Variants in COL4A4 observed in about 807,000 individuals in gnomAD.
COL4A4 encodes the protein collagen type IV alpha 4 chain, also known as collagen alpha-4(IV) chain.
A neutral mutation model predicts 192.9 loss-of-function variants in COL4A4; 105 were observed. That is an observed-to-expected ratio of 0.54 (90% CI 0.46 to 0.64). The LOEUF (loss-of-function observed/expected upper bound fraction) is 0.64, where lower values mean the gene tolerates loss of function less well. COL4A4 is among the 30% of genes least tolerant of loss of function. The pLI is 0.00. For missense variants in COL4A4, 1,967 were observed against 2,169.3 expected (o/e 0.91, Z 1.85); for synonymous variants, 762 against 769.9 (o/e 0.99, Z 0.17).
the COL4A4 span, among the ~76,000 whole-genome samples, chr2:226,988,154 T>A: frequency 6.6e-6 from 1 of 152,212 alleles, no homozygotes; most frequent in Non-Finnish European, 1.5e-5. Flanking sequence ...ATTTAAACAC[T>A]CTTGCCCTCA....
intron 17 of COL4A4, 143 bp from the exon 18 acceptor site, chr2:227,099,832 TG>T: frequency 1.3e-6 from 1 of 753,038 alleles, no homozygotes; most frequent in Non-Finnish European, 2.3e-6. Context: ...GAAGCATCCA[TG>T]GAGTCTTAGG....
At chr2:227,084,149 G>C (rs2059463308) in intron 22 of COL4A4, among the ~76,000 whole-genome samples, 1 of 152,140 alleles carries the variant, frequency 6.6e-6, no homozygotes, top group African/African-American at 2.4e-5. Flanking sequence ...AATGTAGGTT[G>C]GGTTTTCTTT....
intron 19 of COL4A4, 91 bp downstream of exon 19, chr2:227,098,603 C>A: frequency 1.0e-6 from 1 of 971,524 alleles, no homozygotes; most frequent in Non-Finnish European, 1.7e-6. Context: ...TAAGGTGATT[C>A]CAATATCAGC....
At chr2:227,152,122 G>A (rs1210354627) in intron 1 of COL4A4, among the ~76,000 whole-genome samples, 1 of 152,200 alleles carries the variant, frequency 6.6e-6, no homozygotes, top group African/African-American at 2.4e-5. Context: ...GCAGGTTCCT[G>A]TTCTTGACAC....
intron 24 of COL4A4, 43 bp downstream of exon 24, chr2:227,080,400 A>G: frequency 6.6e-7 from 1 of 1,520,224 alleles, no homozygotes; most frequent in Non-Finnish European, 9.1e-7. Context: ...GTATGACCAT[A>G]TAAGAAAGTG....
chr2:227,007,163 T>C lies in COL4A4; in HGVS notation c.*162A>G, dbSNP rs943958809. On this transcript the variant is annotated 3_prime_UTR_variant, in exon 48 of 48. Coordinates refer to ENST00000396625, the MANE Select transcript of COL4A4 (RefSeq NM_000092.5). ...ATCCATCTGTGCAGCATTTGCTTAATGTGTAAGGAACCAGAGGACTCTGGG... is the reference window on the plus strand; with the variant it reads ...ATCCATCTGTGCAGCATTTGCTTAACGTGTAAGGAACCAGAGGACTCTGGG... 2.1e-6 allele frequency: 2 copies of C among 972,646 alleles called. No homozygotes were observed. Among genetic ancestry groups the C allele is most frequent in the Admixed American group, 1.7e-5 (1 of 57,302 alleles). The allele number at this position is 972,646 out of a possible 1,614,324, so 60.3% of individuals were successfully genotyped here.
intron 4 of COL4A4, 131 bp downstream of exon 4, chr2:227,140,030 C>T (rs1289931024): frequency 1.3e-6 from 1 of 761,514 alleles, no homozygotes; most frequent in Non-Finnish European, 2.3e-6. Flanking sequence ...ATGTGAAAAA[C>T]TTCGGCTGTG....
At chr2:227,134,429 C>T (rs1248273252) in intron 4 of COL4A4, among the ~76,000 whole-genome samples, 11 of 152,188 alleles carry the variant, frequency 7.2e-5, no homozygotes, top group Admixed American at 7.2e-4. Flanking sequence ...GTCACTGGAA[C>T]TTGTTTACAT....
chr2:227,012,062 A>G, intron 45 of COL4A4, 119 bp downstream of exon 45: 1 of 805,662 alleles, frequency 1.2e-6, no homozygotes, highest in Non-Finnish European at 2.2e-6. Flanking sequence ...GTGAGTCAGC[A>G]TCTAAGGCAA....
chr2:227,028,139 G>C, intron 41 of COL4A4, 130 bp from the exon 42 acceptor site: 2 of 708,394 alleles, frequency 2.8e-6, no homozygotes, highest in South Asian at 3.4e-5. Context: ...TGAGAGTCAA[G>C]ATTAGCCTCG....
chr2:227,111,736 C>A, intron 8 of COL4A4, 23 bp from the exon 9 acceptor site: 1 of 1,612,206 alleles, frequency 6.2e-7, no homozygotes, highest in South Asian at 1.1e-5. Flanking sequence ...GAATGCATTG[C>A]TTTAAGTCCA....
intron 18 of COL4A4, 128 bp downstream of exon 18, chr2:227,099,492 T>C (rs1438735855): frequency 2.5e-6 from 2 of 790,864 alleles, no homozygotes; most frequent in African/African-American, 1.7e-5. Context: ...TATACACTCA[T>C]GCTACAGTTC....
rs538537144 is a variant in COL4A4, at chr2:227,100,416, C to T, written c.1030-727G>A. Among the ~76,000 whole-genome samples the T allele has an allele frequency of 2.6e-5, 4 of 151,470 alleles. No homozygotes were observed. The East Asian group carries it at 5.8e-4, about 22-fold the overall frequency. On this transcript the variant is annotated intron_variant, in intron 17 of 47. Coordinates refer to ENST00000396625, the MANE Select transcript of COL4A4 (RefSeq NM_000092.5). ...AGCATGCATTAAAGTACTATACAGT[C>T]AGCACTCTTATAAAAAATATTTTAA...
chr2:227,073,021 A>G (rs909920867), intron 25 of COL4A4, among the ~76,000 whole-genome samples: 10 of 152,106 alleles, frequency 6.6e-5, no homozygotes, highest in Admixed American at 5.9e-4. Flanking sequence ...CTCCTATTCA[A>G]CATAGTTCTG....
the COL4A4 span, among the ~76,000 whole-genome samples, chr2:226,968,786 G>A: frequency 1.3e-5 from 2 of 152,302 alleles, no homozygotes; most frequent in East Asian, 3.9e-4. Flanking sequence ...AGGCATGAAA[G>A]TATAATCGGT....
rs146370420 is a variant in COL4A4 at position 227,062,645 on chromosome 2, T to C, written c.1988-47A>G. On this transcript the variant is annotated intron_variant, in intron 25 of 47. Transcript: ENST00000396625. ...GGCATTCACATAACTGATAGCCCAG[T>C]GCAATGTGAGTCTGTCTCAATGACA... 1.2e-3 allele frequency: 1,572 copies of C among 1,281,312 alleles called. 16 individuals carry two copies. The African/African-American group carries it at 0.021, about 17-fold the overall frequency. The allele number at this position is 1,281,312 out of a possible 1,614,324, so 79.4% of individuals were successfully genotyped here.
chr2:227,041,863 AAAGAAAGAAAGAAAGAAAG>A (rs1971401753), intron 37 of COL4A4, among the ~76,000 whole-genome samples: 2 of 126,166 alleles, frequency 1.6e-5, no homozygotes, highest in African/African-American at 6.6e-5. Flanking sequence ...AGAAAGAAAG[AAAGAAAGAAAGAAAGAAAG>A]AAAGAAAGAA....
intron 1 of COL4A4, among the ~76,000 whole-genome samples, chr2:227,149,359 C>T (rs1336146455): frequency 2.6e-5 from 4 of 152,080 alleles, no homozygotes; most frequent in African/African-American, 9.7e-5. Context: ...CTCAGGGGTG[C>T]CTAAGGGAGA....
chr2:227,145,589 T>C (rs1290264852), intron 2 of COL4A4, among the ~76,000 whole-genome samples: 1 of 152,224 alleles, frequency 6.6e-6, no homozygotes, highest in Non-Finnish European at 1.5e-5. Context: ...TTCCAAAGGA[T>C]GGTAGGAGAA....
Sources: allele counts gnomAD v4.1 joint callset (sites outside exome capture counted in the v4.1 genomes callset), GRCh38; gene constraint gnomAD v4.1.1; transcripts MANE v1.5; gene names NCBI Gene and HGNC (gene_info 2026-07-23, HGNC 2026-07-21).